Variants in SDK1 observed in about 807,000 individuals in gnomAD.
SDK1 encodes the protein sidekick cell adhesion molecule 1, also known as protein sidekick-1.
Under a neutral mutation model 245.5 loss-of-function variants are expected in SDK1, and 157 were observed. That is an observed-to-expected ratio of 0.64 (90% CI 0.56 to 0.73). SDK1 has a LOEUF of 0.73. Among genes scored for constraint, SDK1 ranks in the 30% least tolerant of loss-of-function variants. The probability of loss-of-function intolerance (pLI) is 0.00; values close to 1 mark genes in which losing one functional copy is unlikely to be tolerated. For synonymous variants in SDK1, 1,647 were observed against 1,278.5 expected, an observed-to-expected ratio of 1.29 and a Z score of -6.15; for missense variants, 3,583 against 3,002.3, an observed-to-expected ratio of 1.19 and a Z score of -4.52.
At chr7:3,543,822 T>G (rs977178265) in intron 1 of SDK1, among the ~76,000 whole-genome samples, 1 of 152,240 alleles carries the variant, frequency 6.6e-6, no homozygotes, top group Non-Finnish European at 1.5e-5. Context: ...TTTCAGAGTA[T>G]GTAATGAATA....
intron 4 of SDK1, among the ~76,000 whole-genome samples, chr7:3,798,366 C>T (rs11982518): frequency 0.018 from 2,701 of 151,854 alleles, 82 homozygotes; most frequent in African/African-American, 0.061. Flanking sequence ...TACAGGCGCC[C>T]GCCACCACGC....
chr7:3,676,085 C>A (rs1205063242), intron 4 of SDK1, among the ~76,000 whole-genome samples: 3 of 152,280 alleles, frequency 2.0e-5, no homozygotes, highest in Non-Finnish European at 4.4e-5. Context: ...TCCACCTCAG[C>A]CTCCCAAGTA....
chr7:3,593,281 G>A (rs935505749), intron 1 of SDK1, among the ~76,000 whole-genome samples: 4 of 152,120 alleles, frequency 2.6e-5, no homozygotes, highest in African/African-American at 9.7e-5. Flanking sequence ...CTGCCCCTGT[G>A]CTTCCCTTTC....
At chr7:3,420,063 C>T (rs1779495615) in intron 1 of SDK1, among the ~76,000 whole-genome samples, 1 of 152,174 alleles carries the variant, frequency 6.6e-6, no homozygotes, top group Non-Finnish European at 1.5e-5. Context: ...ATCTCCTTGT[C>T]AGTGGCAAAC....
intron 10 of SDK1, 36 bp from the exon 11 acceptor site, chr7:3,969,221 G>C: frequency 6.6e-7 from 1 of 1,523,702 alleles, no homozygotes; most frequent in Non-Finnish European, 8.9e-7. Flanking sequence ...CAAGCGTTAC[G>C]ACTGTAACAT....
At chr7:3,774,058 C>G (rs1484232310) in intron 4 of SDK1, among the ~76,000 whole-genome samples, 4 of 151,590 alleles carry the variant, frequency 2.6e-5, no homozygotes, top group Non-Finnish European at 5.9e-5. Flanking sequence ...ACTAAAAATA[C>G]AAAAAAATTA....
intron 5 of SDK1, among the ~76,000 whole-genome samples, chr7:3,913,217 T>A (rs187506527): frequency 6.6e-6 from 1 of 152,066 alleles, no homozygotes; most frequent in Admixed American, 6.5e-5. Context: ...CGTACCTGGT[T>A]CTCTAGATGG....
At chr7:3,621,378 C>A (rs1404527797) in intron 2 of SDK1, among the ~76,000 whole-genome samples, 1 of 152,128 alleles carries the variant, frequency 6.6e-6, no homozygotes, top group Non-Finnish European at 1.5e-5. Context: ...GCCCACATCA[C>A]CCTCATTTTT....
At chr7:4,221,451 C>G (rs141542568) in intron 40 of SDK1, 87 bp downstream of exon 40, 326 of 1,463,518 alleles carry the variant, frequency 2.2e-4, no homozygotes, top group Non-Finnish European at 2.9e-4. Flanking sequence ...ATCACTTTCT[C>G]TTTCAGCATT....
intron 1 of SDK1, among the ~76,000 whole-genome samples, chr7:3,314,325 C>T (rs1031715192): frequency 6.6e-5 from 10 of 152,194 alleles, no homozygotes; most frequent in African/African-American, 2.4e-4. Context: ...TCAAGACCTT[C>T]ATATTTAGCC....
chr7:3,634,765 G>C (rs964866247), intron 2 of SDK1, among the ~76,000 whole-genome samples: 1 of 152,176 alleles, frequency 6.6e-6, no homozygotes, highest in Admixed American at 6.5e-5. Flanking sequence ...TCCTTGGTGA[G>C]ACATTAGACT....
chr7:3,777,917 T>C (rs1481259176), intron 4 of SDK1, among the ~76,000 whole-genome samples: 1 of 152,178 alleles, frequency 6.6e-6, no homozygotes, highest in Non-Finnish European at 1.5e-5. Context: ...CCCCTAATTA[T>C]AAACAATAAA....
chr7:3,320,940 C>T (rs554413877), intron 1 of SDK1, among the ~76,000 whole-genome samples: 1 of 151,986 alleles, frequency 6.6e-6, no homozygotes, highest in Non-Finnish European at 1.5e-5. Context: ...TAATTTAAAC[C>T]TTGTGCTTGA....
intron 1 of SDK1, among the ~76,000 whole-genome samples, chr7:3,505,911 T>C (rs552504649): frequency 2.0e-5 from 3 of 152,352 alleles, no homozygotes; most frequent in Admixed American, 1.3e-4. Flanking sequence ...TCTTCCTTCC[T>C]GCCCCTTGTG....
At chr7:4,137,276 C>G (rs1156976918) in intron 28 of SDK1, among the ~76,000 whole-genome samples, 3 of 152,226 alleles carry the variant, frequency 2.0e-5, no homozygotes, top group Non-Finnish European at 4.4e-5. Context: ...GCCTGGGTGA[C>G]AGAGCGAGAC....
intron 1 of SDK1, among the ~76,000 whole-genome samples, chr7:3,600,731 G>T (rs1023737385): frequency 6.6e-6 from 1 of 151,824 alleles, no homozygotes; most frequent in African/African-American, 2.4e-5. Flanking sequence ...TGTATTTTTA[G>T]TAGAGACAGG....
intron 40 of SDK1, among the ~76,000 whole-genome samples, chr7:4,223,322 C>T (rs928316855): frequency 3.9e-5 from 6 of 152,246 alleles, no homozygotes; most frequent in African/African-American, 7.2e-5. Flanking sequence ...CAGGCACATT[C>T]GTTATCCAGG....
At chr7:3,647,140 C>T (rs186091290) in intron 4 of SDK1, among the ~76,000 whole-genome samples, 18 of 152,344 alleles carry the variant, frequency 1.2e-4, no homozygotes, top group African/African-American at 3.8e-4. Context: ...ACTCCCAGCG[C>T]TCTGGGAGGC....
At chr7:3,960,181 G>T (rs1242183571) in intron 8 of SDK1, among the ~76,000 whole-genome samples, 1 of 152,214 alleles carries the variant, frequency 6.6e-6, no homozygotes, top group Non-Finnish European at 1.5e-5. Context: ...GCCCTGGAAA[G>T]CATGGTTAAG....
Sources: allele counts gnomAD v4.1 joint callset (sites outside exome capture counted in the v4.1 genomes callset), GRCh38; gene constraint gnomAD v4.1.1; transcripts MANE v1.5; gene names NCBI Gene and HGNC (gene_info 2026-07-23, HGNC 2026-07-21).